The following EFEMP1 variants were observed in gnomAD, a reference collection of about 807,000 sequenced individuals.
EFEMP1 encodes EGF-like fibulin extracellular matrix protein 1, also known as EGF-containing fibulin-like extracellular matrix protein 1.
EFEMP1 carries 18 observed loss-of-function variants against 65.7 expected under a neutral mutation model. The observed-to-expected ratio is 0.27, with a 90% CI of 0.19 to 0.41. The LOEUF (loss-of-function observed/expected upper bound fraction) is 0.41. EFEMP1 is among the 10% of genes least tolerant of loss of function. The pLI, the probability that EFEMP1 is intolerant of heterozygous loss-of-function variation, is 1.00. For missense variants in EFEMP1, 469 were observed against 624.8 expected (o/e 0.75, Z 2.66); for synonymous variants, 237 against 219.7 (o/e 1.08, Z -0.70).
At chr2:55,897,010 A>G (rs1444693172) in intron 5 of EFEMP1, among the ~76,000 whole-genome samples, 2 of 152,116 alleles carry the variant, frequency 1.3e-5, no homozygotes, top group Non-Finnish European at 2.9e-5. Context: ...CTCTGCCTGG[A>G]ACATTCTTTC....
intron 5 of EFEMP1, among the ~76,000 whole-genome samples, chr2:55,889,384 C>G (rs1355429173): frequency 6.6e-6 from 1 of 152,166 alleles, no homozygotes; most frequent in Non-Finnish European, 1.5e-5. Context: ...ATAAAGAATA[C>G]CTTTGTGCCT....
At chr2:55,888,327 T>A (rs965585246) in intron 5 of EFEMP1, among the ~76,000 whole-genome samples, 2 of 147,902 alleles carry the variant, frequency 1.4e-5, no homozygotes, top group Non-Finnish European at 3.0e-5. Context: ...TTTTTTTCCT[T>A]CTTAAACTTT....
At chr2:55,872,069 TAACAACAAC>T (rs201330469) in intron 9 of EFEMP1, among the ~76,000 whole-genome samples, 1 of 151,740 alleles carries the variant, frequency 6.6e-6, no homozygotes, top group Non-Finnish European at 1.5e-5. Context: ...ATTACATTTA[TAACAACAAC>T]AACAACAACA....
chr2:55,866,996 C>T lies in EFEMP1; in HGVS notation c.*77G>A. The T allele has an allele frequency of 6.4e-7, 1 of 1,562,872 alleles. No individual in the cohort carries two copies. ...AGAGATGTAGATGCACTAGATATATCTATAAATAAAATAGTGCTTTAAGGT... is the reference window on the plus strand; with the variant it reads ...AGAGATGTAGATGCACTAGATATATTTATAAATAAAATAGTGCTTTAAGGT... On this transcript the variant is annotated 3_prime_UTR_variant, in exon 12 of 12. Transcript: ENST00000355426.
At position 55,885,448 on chromosome 2, in the gene EFEMP1, G is replaced by A. The variant is rs1198737392; in HGVS notation, c.518-3714C>T. Among the ~76,000 whole-genome samples the A allele has an allele frequency of 1.3e-5, 2 of 152,194 alleles. No homozygotes were observed. The highest frequency in any genetic ancestry group is 2.4e-5 in the African/African-American group (1 of 41,442). On this transcript the variant is annotated intron_variant, in intron 5 of 11. Transcript: ENST00000355426. This position sits in a 1 kb window ranked among gnomAD's most constrained non-coding sequence, Gnocchi z 4.3. The stretch of plus-strand genomic sequence containing the variant: ...GAGTCTGGATTGAACAACATAAGGA[G>A]TCTCTCTGAACTATGTAGACAGAGC...
chr2:55,922,832 CG>C lies in EFEMP1; in HGVS notation c.-8+66del. 8.9e-7 allele frequency: 1 copy of C among 1,120,428 alleles called. No homozygotes were observed. Among genetic ancestry groups the C allele is most frequent in the South Asian group, 1.8e-5 (1 of 55,166 alleles). The allele number at this position is 1,120,428 out of a possible 1,614,324, so 69.4% of individuals were successfully genotyped here. A position where few individuals can be genotyped will look rare whatever the true frequency, so the allele number is the denominator to read the frequency against. ...TTTCCTGCCCCCCAGTCCCACACCC[CG>C]GGGGATGGAGGTGGGGCTGCAAAAC... On this transcript the variant is annotated intron_variant, in intron 2 of 11. Coordinates refer to ENST00000355426, the MANE Select transcript of EFEMP1 (RefSeq NM_001039348.3). This position sits in a 1 kb window ranked among gnomAD's most constrained non-coding sequence, Gnocchi z 5.5.
At chr2:55,915,604 G>GA (rs1176473213) in intron 5 of EFEMP1, among the ~76,000 whole-genome samples, 1 of 151,996 alleles carries the variant, frequency 6.6e-6, no homozygotes, top group Non-Finnish European at 1.5e-5. Flanking sequence ...ACTACTTTGG[G>GA]AAATGACTCA....
intron 8 of EFEMP1, 77 bp from the exon 9 acceptor site, chr2:55,875,142 A>AT (rs1668977759): frequency 1.9e-5 from 10 of 524,790 alleles, no homozygotes; most frequent in South Asian, 1.0e-4. Context: ...ATATATATAT[A>AT]AATTATATAT....
chr2:55,873,230 C>T lies in EFEMP1; in HGVS notation c.1000+1716G>A, dbSNP rs914411196. On this transcript the variant is annotated intron_variant, in intron 9 of 11. Transcript: ENST00000355426. This position sits in a 1 kb window ranked among gnomAD's most constrained non-coding sequence, Gnocchi z 4.6. ...TCCTGTGGACAAGGCTCAGAAGGAA[C>T]GATTTCCGTAGGAGAAAGCAATTGC... Among the ~76,000 whole-genome samples, 4 of 152,052 alleles carry T rather than the reference C, an allele frequency of 2.6e-5. No homozygotes were observed. The highest frequency in any genetic ancestry group is 7.2e-5 in the African/African-American group (3 of 41,530).
chr2:55,891,295 G>C (rs149943452), intron 5 of EFEMP1, among the ~76,000 whole-genome samples: 1 of 152,084 alleles, frequency 6.6e-6, no homozygotes, highest in Admixed American at 6.5e-5. Context: ...AGCAGGAGGT[G>C]GGGGATTTGA....
chr2:55,910,887 T>C (rs1282975055), intron 5 of EFEMP1, among the ~76,000 whole-genome samples: 1 of 152,150 alleles, frequency 6.6e-6, no homozygotes, highest in Non-Finnish European at 1.5e-5. Flanking sequence ...TACTTTACAG[T>C]CAAAGTCAGA....
chr2:55,891,055 T>G (rs1669611324), intron 5 of EFEMP1, among the ~76,000 whole-genome samples: 1 of 152,112 alleles, frequency 6.6e-6, no homozygotes, highest in Non-Finnish European at 1.5e-5. Flanking sequence ...GTCAGTCAGG[T>G]GCTAACCCTA....
rs56900947 is a variant in EFEMP1, at chr2:55,878,658, T to TAAAAC, written c.641-798_641-794dup. The stretch of plus-strand genomic sequence containing the variant: ...GCTATATAGTGACACTGCCTTGTGG[T>TAAAAC]AAAACAAAACAAAACAAAACAAACC... On this transcript the variant is annotated intron_variant, in intron 6 of 11. Transcript: ENST00000355426. Among the ~76,000 whole-genome samples, 884 of 151,896 alleles carry TAAAAC rather than the reference T, an allele frequency of 5.8e-3. 4 individuals carry two copies. Among genetic ancestry groups the TAAAAC allele is most frequent in the Non-Finnish European group, 9.7e-3 (659 of 67,962 alleles).
chr2:55,897,060 G>A (rs573674037), intron 5 of EFEMP1, among the ~76,000 whole-genome samples: 19 of 152,224 alleles, frequency 1.2e-4, no homozygotes, highest in African/African-American at 4.3e-4. Context: ...GCCACAACTT[G>A]CCAAGACGGA....
At chr2:55,899,375 G>T (rs186084452) in intron 5 of EFEMP1, among the ~76,000 whole-genome samples, 1 of 152,228 alleles carries the variant, frequency 6.6e-6, no homozygotes, top group Non-Finnish European at 1.5e-5. Flanking sequence ...GTTTGAACAC[G>T]TGTTAATTGA....
chr2:55,895,580 C>T (rs1049707241), intron 5 of EFEMP1, among the ~76,000 whole-genome samples: 1 of 146,424 alleles, frequency 6.8e-6, no homozygotes, highest in African/African-American at 2.6e-5. Flanking sequence ...GTCTCGCTGT[C>T]GCCCAGGCTG....
intron 5 of EFEMP1, among the ~76,000 whole-genome samples, chr2:55,896,328 G>C (rs1211825615): frequency 6.6e-6 from 1 of 152,152 alleles, no homozygotes; most frequent in Non-Finnish European, 1.5e-5. Context: ...TTACAATTTT[G>C]TTTTCAATCC....
chr2:55,912,964 A>C (rs2104445134), intron 5 of EFEMP1, among the ~76,000 whole-genome samples: 1 of 152,324 alleles, frequency 6.6e-6, no homozygotes, highest in South Asian at 2.1e-4. Flanking sequence ...AACATCTAAA[A>C]CAATGTAGAA....
At position 55,917,137 on chromosome 2, in the gene EFEMP1, C is replaced by G. The variant is rs1670724612; in HGVS notation, c.517+528G>C. The stretch of plus-strand genomic sequence containing the variant: ...TTCGATGAAAAGAAACTTGAGAAAC[C>G]AAAGGGGTACATCTGTAGAGTAGCT... On this transcript the variant is annotated intron_variant, in intron 5 of 11. Coordinates refer to ENST00000355426, the MANE Select transcript of EFEMP1 (RefSeq NM_001039348.3). The surrounding 1 kb of genome is among the most constrained non-coding windows in gnomAD (Gnocchi z 6.3). Among the ~76,000 whole-genome samples, 1 of 152,098 alleles carries G rather than the reference C, an allele frequency of 6.6e-6. No homozygotes were observed. Among genetic ancestry groups the G allele is most frequent in the Admixed American group, 6.5e-5 (1 of 15,270 alleles).
Sources: gnomAD v4.1 joint callset for allele counts (sites outside exome capture counted in the v4.1 genomes callset) on GRCh38, gnomAD v4.1.1 for gene constraint, Gnocchi (gnomAD v3.1) non-coding constraint, MANE v1.5 for transcripts, NCBI Gene and HGNC (gene_info 2026-07-23, HGNC 2026-07-21) for gene names.